UBAP2: variants seen among roughly 807,000 people sequenced by gnomAD.
UBAP2 encodes ubiquitin-associated protein 2.
In UBAP2, 75 loss-of-function variants were observed where a neutral mutation model predicts 139.6. The ratio of observed to expected loss-of-function variants is 0.54; its 90% confidence interval spans 0.45 to 0.65. UBAP2 has a LOEUF of 0.65. UBAP2 is among the 30% of genes least tolerant of loss of function. The pLI is 0.00. For missense variants in UBAP2, 1,368 were observed against 1,369.6 expected, an observed-to-expected ratio of 1.00 and a Z score of 0.02; for synonymous variants, 526 against 526.2, an observed-to-expected ratio of 1.00 and a Z score of 0.01.
chr9:33,976,459 T>C (rs1172707753), intron 6 of UBAP2, among the ~76,000 whole-genome samples: 1 of 152,170 alleles, frequency 6.6e-6, no homozygotes, highest in Admixed American at 6.6e-5. Flanking sequence ...ACAATTCCAT[T>C]TACAGGAAAT....
chr9:33,995,476 A>AATATATTTATATTATTAAATATATAT (rs1733824146), intron 4 of UBAP2: 1 of 138,270 alleles, frequency 7.2e-6, no homozygotes, highest in Non-Finnish European at 1.5e-5. Flanking sequence ...TAAATATATA[A>AATATATTTATATTATTAAATATATAT]ATATATTTAT....
At chr9:34,042,865 C>T (rs1827220043) in intron 1 of UBAP2, among the ~76,000 whole-genome samples, 2 of 151,362 alleles carry the variant, frequency 1.3e-5, no homozygotes, top group South Asian at 4.2e-4. Flanking sequence ...ATCACTTTAG[C>T]CTAAGAGACC....
At position 33,922,166 on chromosome 9, in the gene UBAP2, T is replaced by C. The variant is rs1822942104; in HGVS notation, c.*338A>G. 1 of 274,686 alleles carries C rather than the reference T, an allele frequency of 3.6e-6. No individual in the cohort carries two copies. Among genetic ancestry groups the C allele is most frequent in the African/African-American group, 2.2e-5 (1 of 44,984 alleles). 17.0% of individuals were successfully genotyped at this position (274,686 alleles called of 1,614,324 possible). On this transcript the variant is annotated 3_prime_UTR_variant, in exon 29 of 29. Transcript: ENST00000379238. Reference sequence around the variant, plus strand: ...CAGCCCTTCCAGAGACTGCCCCTAGTGGCCCACTGGGCAGTGCAGGCTGTG... The same window carrying C: ...CAGCCCTTCCAGAGACTGCCCCTAGCGGCCCACTGGGCAGTGCAGGCTGTG...
In UBAP2 at chr9:33,948,358, A is replaced by G; in HGVS notation, c.1270+16T>C. ...CGTCCTCAGTAGGGGCAAACCCACA[A>G]ACAATGTATACCTACCAAGATGACT... On this transcript the variant is annotated intron_variant, in intron 13 of 28. Coordinates refer to ENST00000379238, the MANE Select transcript of UBAP2 (RefSeq NM_001370062.2). 1 of 1,579,856 alleles carries G rather than the reference A, an allele frequency of 6.3e-7. No individual in the cohort carries two copies. Among genetic ancestry groups the G allele is most frequent in the Non-Finnish European group, 8.6e-7 (1 of 1,157,596 alleles).
At chr9:33,986,629 A>T in intron 6 of UBAP2, 131 bp downstream of exon 6, 1 of 806,578 alleles carries the variant, frequency 1.2e-6, no homozygotes, top group Non-Finnish European at 2.1e-6. Flanking sequence ...ATCAGTAAAC[A>T]AATGATCAGA....
intron 1 of UBAP2, among the ~76,000 whole-genome samples, chr9:34,038,240 G>A (rs567436137): frequency 1.3e-5 from 2 of 151,570 alleles, no homozygotes; most frequent in East Asian, 1.9e-4. Flanking sequence ...CATGAGGTCA[G>A]GAGTTCAAGA....
chr9:34,014,004 A>C (rs1824010835), intron 2 of UBAP2, among the ~76,000 whole-genome samples: 1 of 152,142 alleles, frequency 6.6e-6, no homozygotes, highest in African/African-American at 2.4e-5. Context: ...TAATTTTCCT[A>C]ATGCATACTA....
At chr9:33,977,272 C>T (rs1456868739) in intron 6 of UBAP2, among the ~76,000 whole-genome samples, 1 of 151,814 alleles carries the variant, frequency 6.6e-6, no homozygotes, top group Admixed American at 6.6e-5. Context: ...CTCCTGACCT[C>T]GTGATCCGCC....
chr9:33,995,724 A>G (rs1221960642), intron 4 of UBAP2: 2 of 148,606 alleles, frequency 1.3e-5, no homozygotes, highest in Non-Finnish European at 3.0e-5. Context: ...CTTTAGCTGT[A>G]TCCTTCTTAA....
chr9:34,025,814 A>C (rs1825353235), intron 1 of UBAP2, among the ~76,000 whole-genome samples: 1 of 152,174 alleles, frequency 6.6e-6, no homozygotes, highest in South Asian at 2.1e-4. Flanking sequence ...TCCTGGGCTC[A>C]GGTGATCCTC....
At chr9:33,973,593 GA>G (rs1383791052) in intron 6 of UBAP2, among the ~76,000 whole-genome samples, 1 of 152,126 alleles carries the variant, frequency 6.6e-6, no homozygotes, top group Non-Finnish European at 1.5e-5. Context: ...CCAGAAAGAG[GA>G]AAATGCAAAG....
At chr9:34,000,319 T>C (rs1237662774) in intron 2 of UBAP2, among the ~76,000 whole-genome samples, 1 of 152,188 alleles carries the variant, frequency 6.6e-6, no homozygotes, top group Non-Finnish European at 1.5e-5. Flanking sequence ...CTCAAAATAT[T>C]TTTTCAATCA....
chr9:33,957,502 A>G (rs770266024), intron 10 of UBAP2, among the ~76,000 whole-genome samples: 8 of 152,210 alleles, frequency 5.3e-5, no homozygotes, highest in Non-Finnish European at 7.3e-5. Flanking sequence ...ATGAAATCAT[A>G]AAAGTATCCA....
At chr9:34,018,857 C>A (rs954330675) in intron 1 of UBAP2, among the ~76,000 whole-genome samples, 1 of 116,004 alleles carries the variant, frequency 8.6e-6, no homozygotes, top group African/African-American at 3.3e-5. Context: ...AGCAAGACTC[C>A]GTCTCAAAAT....
Position 33,989,134 on chromosome 9 carries a change from A to AG in UBAP2, c.289-9dup. 6.2e-7 allele frequency: 1 copy of AG among 1,600,574 alleles called. No homozygotes were observed. On this transcript the variant is annotated splice_polypyrimidine_tract_variant and intron_variant, in intron 4 of 28. Coordinates refer to ENST00000379238, the MANE Select transcript of UBAP2 (RefSeq NM_001370062.2). ...TACAGTCTCCCATGAAGTCTATCAG[A>AG]GAGAACGGCTGTTAATCATTTATCA...
rs1333560675 is a variant in UBAP2, at chr9:33,933,506, G to C, written c.2092C>G (p.Leu698Val). 3 of 1,613,938 alleles carry C rather than the reference G, an allele frequency of 1.9e-6. No individual in the cohort carries two copies. Among genetic ancestry groups the C allele is most frequent in the South Asian group, 1.1e-5 (1 of 91,066 alleles). ...QHTGDLTSSP[L>V]SQLSSSLSSH... ...TCCCCATACCTGCTAAGCTGAGAGA[G>C]AGGGCTGCTAGTCAGGTCGCCAGTG... Residue 698 changes from leucine to valine, a missense_variant, in exon 18 of 29, where the codon CTC becomes GTC. By Grantham distance (32) the Leu-to-Val change is conservative. Coordinates refer to ENST00000379238, the MANE Select transcript of UBAP2 (RefSeq NM_001370062.2).
intron 12 of UBAP2, among the ~76,000 whole-genome samples, chr9:33,950,999 A>G (rs1423356955): frequency 6.6e-6 from 1 of 152,160 alleles, no homozygotes; most frequent in Non-Finnish European, 1.5e-5. Context: ...TATCATCATC[A>G]CTTCTGTTGC....
chr9:34,001,970 A>C (rs556613171), intron 2 of UBAP2, among the ~76,000 whole-genome samples: 8 of 152,046 alleles, frequency 5.3e-5, no homozygotes, highest in African/African-American at 1.4e-4. Flanking sequence ...TTCATTAAAA[A>C]AAAAAAACAA....
intron 1 of UBAP2, among the ~76,000 whole-genome samples, chr9:34,041,203 G>A (rs960452072): frequency 5.3e-5 from 8 of 151,688 alleles, no homozygotes; most frequent in Non-Finnish European, 8.8e-5. Context: ...CTGTAATCCC[G>A]GCACTTTGGG....
Sources: gnomAD v4.1 joint callset for allele counts (sites outside exome capture counted in the v4.1 genomes callset) on GRCh38, gnomAD v4.1.1 for gene constraint, MANE v1.5 for transcripts, NCBI Gene and HGNC (gene_info 2026-07-23, HGNC 2026-07-21) for gene names.